Variants in PLA2G12B observed in about 807,000 individuals in gnomAD.
PLA2G12B encodes the protein group XIIB secretory phospholipase A2-like protein.
PLA2G12B carries 19 observed loss-of-function variants against 22.3 expected under a neutral mutation model. That is an observed-to-expected ratio of 0.85 (90% CI 0.60 to 1.25). The LOEUF (loss-of-function observed/expected upper bound fraction) is 1.25. Ranked by LOEUF, PLA2G12B falls within the 50% of genes most tolerant of loss-of-function variation. The pLI is 0.00. For synonymous variants in PLA2G12B, 81 were observed against 94.9 expected, an observed-to-expected ratio of 0.85 and a Z score of 0.85; for missense variants, 191 against 246.6, an observed-to-expected ratio of 0.77 and a Z score of 1.51.
chr10:72,948,819 C>T (rs977942303), intron 1 of PLA2G12B, among the ~76,000 whole-genome samples: 13 of 152,166 alleles, frequency 8.5e-5, no homozygotes, highest in African/African-American at 3.1e-4. Context: ...TCTTATAAAA[C>T]TTAAAAGCTT....
intron 1 of PLA2G12B, among the ~76,000 whole-genome samples, chr10:72,943,546 T>A (rs1200191878): frequency 6.6e-6 from 1 of 152,234 alleles, no homozygotes; most frequent in Non-Finnish European, 1.5e-5. Flanking sequence ...TGATGTGATA[T>A]CTTAGGCATT....
chr10:72,939,540 C>T lies in PLA2G12B; in HGVS notation c.466+1629G>A, dbSNP rs560044995. Among the ~76,000 whole-genome samples the T allele has an allele frequency of 5.9e-5, 9 of 152,290 alleles. No homozygotes were observed. In the East Asian group the frequency reaches 1.5e-3, roughly 26 times the overall value. ...TCTTTTTGTAGAATCTACAAAGGGA[C>T]GTTTCTGAGCCCATTGAGGCCTATA... On this transcript the variant is annotated intron_variant, in intron 3 of 3. Coordinates refer to ENST00000373032, the MANE Select transcript of PLA2G12B (RefSeq NM_032562.5).
chr10:72,940,117 C>T (rs373589602), intron 3 of PLA2G12B, among the ~76,000 whole-genome samples: 1 of 152,334 alleles, frequency 6.6e-6, no homozygotes, highest in East Asian at 1.9e-4. Context: ...TTTCATAGGG[C>T]ACACTGAATT....
In PLA2G12B at chr10:72,943,706, A is replaced by G. The variant is rs150460510; in HGVS notation, c.212-966T>C. 2.7e-3 allele frequency among the ~76,000 whole-genome samples: 410 copies of G among 152,356 alleles called. 2 individuals are homozygous for G. The highest frequency in any genetic ancestry group is 4.1e-3 in the Non-Finnish European group (282 of 68,044). On this transcript the variant is annotated intron_variant, in intron 1 of 3. Transcript: ENST00000373032. ...CCTTGACCTGAGATGACCTCAGGAC[A>G]GCCATCTGCAGTGGGTATTTTATCC...
chr10:72,946,758 T>C (rs1846449065), intron 1 of PLA2G12B, among the ~76,000 whole-genome samples: 1 of 152,216 alleles, frequency 6.6e-6, no homozygotes. Context: ...TCTACTTAAA[T>C]CCTCTACCCA....
rs116581119 is a variant in PLA2G12B, at chr10:72,946,799, G to T, written c.212-4059C>A. On this transcript the variant is annotated intron_variant, in intron 1 of 3. Coordinates refer to ENST00000373032, the MANE Select transcript of PLA2G12B (RefSeq NM_032562.5). ...TAACTGAGTTATTTATCTTTTTACT[G>T]TTGAGTTGTAAGTGTTCTTTATATA... Among the ~76,000 whole-genome samples the T allele has an allele frequency of 3.8e-3, 577 of 152,174 alleles. 6 individuals are homozygous for T. The highest frequency in any genetic ancestry group is 0.013 in the African/African-American group (536 of 41,526).
At chr10:72,951,452 CTTTTTT>C (rs71482537) in intron 1 of PLA2G12B, among the ~76,000 whole-genome samples, 1 of 117,134 alleles carries the variant, frequency 8.5e-6, no homozygotes, top group East Asian at 2.4e-4. Flanking sequence ...GCACAGACTC[CTTTTTT>C]TTTTTTTTTT....
At chr10:72,936,255 G>A (rs1846278576) in intron 3 of PLA2G12B, among the ~76,000 whole-genome samples, 1 of 152,214 alleles carries the variant, frequency 6.6e-6, no homozygotes, top group Admixed American at 6.5e-5. Flanking sequence ...CCACAGTTTG[G>A]ATAAAGAGGT....
intron 2 of PLA2G12B, among the ~76,000 whole-genome samples, chr10:72,941,884 C>T (rs1388085574): frequency 4.7e-5 from 7 of 150,144 alleles, no homozygotes; most frequent in African/African-American, 1.7e-4. Context: ...CTCCTGATCA[C>T]AAGAGGACTG....
chr10:72,953,600 C>T (rs1282134351), intron 1 of PLA2G12B, among the ~76,000 whole-genome samples: 1 of 152,168 alleles, frequency 6.6e-6, no homozygotes, highest in African/African-American at 2.4e-5. Context: ...TTTTCATGCG[C>T]ATTGGCAATT....
chr10:72,954,344 A>AT (rs971520507), intron 1 of PLA2G12B, 131 bp downstream of exon 1: 4 of 1,109,742 alleles, frequency 3.6e-6, no homozygotes, highest in Non-Finnish European at 5.3e-6. Flanking sequence ...GGTGTCCTAC[A>AT]TTTTTATCTG....
chr10:72,954,604 C>A lies in PLA2G12B; in HGVS notation c.82G>T (p.Glu28Ter). The change falls in exon 1 of 4, where the codon GAG (glutamate) becomes TAG (stop). Residue 28 changes from glutamate to a stop codon, truncating the protein, a stop_gained. Coordinates refer to ENST00000373032, the MANE Select transcript of PLA2G12B (RefSeq NM_032562.5). LOFTEE classifies it high-confidence loss of function. ...AGGCCCCAGTCTGAATAGGACTCCT[C>A]CGTGTCAGGGCTCGTGTCGCTCTGA... ...LAQSDTSPDTEESYSDWGLRH... is the reference protein window; with the variant it reads ...LAQSDTSPDT The A allele has an allele frequency of 1.2e-6, 2 of 1,614,216 alleles. No individual in the cohort carries two copies. Among genetic ancestry groups the A allele is most frequent in the Non-Finnish European group, 1.7e-6 (2 of 1,180,052 alleles).
rs775354846 is a variant in PLA2G12B at position 72,941,219 on chromosome 10, G to A, written c.416C>T (p.Ser139Leu). 5 of 1,614,148 alleles carry A rather than the reference G, an allele frequency of 3.1e-6. No individual in the cohort carries two copies. Among genetic ancestry groups the A allele is most frequent in the East Asian group, 2.2e-5 (1 of 44,888 alleles). ...ACTCCGCTTAAGGTCAGAGCAGATCGAGTGGAGACACCATCGGAATTTTGC... is the reference window on the plus strand; with the variant it reads ...ACTCCGCTTAAGGTCAGAGCAGATCAAGTGGAGACACCATCGGAATTTTGC... ...CDAKFRWCLH[S>L]ICSDLKRSLG... Residue 139 changes from serine (S) to leucine (L), a missense_variant, in exon 3 of 4, where the codon TCG (serine) becomes TTG (leucine). Ser to Leu is a moderately radical substitution (Grantham distance 145, BLOSUM62 -2). Transcript: ENST00000373032.
At chr10:72,949,607 A>G (rs1356636775) in intron 1 of PLA2G12B, among the ~76,000 whole-genome samples, 1 of 152,228 alleles carries the variant, frequency 6.6e-6, no homozygotes, top group African/African-American at 2.4e-5. Context: ...CGAATGAATA[A>G]TAAGAGTATT....
At chr10:72,937,406 A>G (rs1827577142) in intron 3 of PLA2G12B, among the ~76,000 whole-genome samples, 1 of 152,234 alleles carries the variant, frequency 6.6e-6, no homozygotes, top group Non-Finnish European at 1.5e-5. Flanking sequence ...TGATTTAGTA[A>G]TTAAAAACTT....
intron 1 of PLA2G12B, among the ~76,000 whole-genome samples, chr10:72,944,673 A>G (rs1846413412): frequency 6.6e-6 from 1 of 152,220 alleles, no homozygotes; most frequent in Non-Finnish European, 1.5e-5. Flanking sequence ...TACCTATATT[A>G]TTCAGATCCT....
intron 3 of PLA2G12B, 123 bp from the exon 4 acceptor site, chr10:72,935,861 G>T (rs1343424459): frequency 2.3e-6 from 3 of 1,287,700 alleles, no homozygotes; most frequent in Admixed American, 5.4e-5. Context: ...TTCAAAGGAA[G>T]AGCATCCATT....
Position 72,941,267 on chromosome 10 carries a change from C to T in PLA2G12B, c.368G>A (p.Gly123Asp). The T allele has an allele frequency of 6.2e-7, 1 of 1,613,720 alleles. No homozygotes were observed. The highest frequency in any genetic ancestry group is 1.1e-5 in the South Asian group (1 of 91,056). Residue 123 changes from glycine (G) to aspartate (D), a missense_variant, in exon 3 of 4, where the codon GGT (glycine) becomes GAT (aspartate). Transcript: ENST00000373032. ...TGCATCACAGCGATATTTGTTGGCA[C>T]CGCAAGTGTCATAACAGACATCCAG... ...NQLDVCYDTCGANKYRCDAKF... is the reference protein window; with the variant it reads ...NQLDVCYDTCDANKYRCDAKF...
rs769318615 is a variant in PLA2G12B at position 72,935,740 on chromosome 10, T to C, written c.467-2A>G. On this transcript the variant is annotated splice_acceptor_variant, in intron 3 of 3. Coordinates refer to ENST00000373032, the MANE Select transcript of PLA2G12B (RefSeq NM_032562.5). LOFTEE classifies it high-confidence loss of function. ...TGTCAACCAGGGAATCACAGGCTGCTTGAAAAAGATGAAGAGGGACAGAAA... is the reference window on the plus strand; with the variant it reads ...TGTCAACCAGGGAATCACAGGCTGCCTGAAAAAGATGAAGAGGGACAGAAA... 1 of 1,613,078 alleles carries C rather than the reference T, an allele frequency of 6.2e-7. No homozygotes were observed. The highest frequency in any genetic ancestry group is 8.5e-7 in the Non-Finnish European group (1 of 1,179,584).
Sources: gnomAD v4.1 joint callset for allele counts (sites outside exome capture counted in the v4.1 genomes callset) on GRCh38, gnomAD v4.1.1 for gene constraint, MANE v1.5 for transcripts, NCBI Gene and HGNC (gene_info 2026-07-23, HGNC 2026-07-21) for gene names.